MACF1: variants seen among roughly 807,000 people sequenced by gnomAD.
MACF1 encodes microtubule-actin cross-linking factor 1.
MACF1 carries 193 observed loss-of-function variants against 854.8 expected under a neutral mutation model. The ratio of observed to expected loss-of-function variants is 0.23; its 90% CI spans 0.20 to 0.25. The LOEUF (loss-of-function observed/expected upper bound fraction) is 0.25, where lower values mean the gene tolerates loss of function less well. Ranked by LOEUF, MACF1 falls within the 10% of genes least tolerant of loss-of-function variation. The probability of loss-of-function intolerance (pLI) is 1.00; values close to 1 mark genes in which losing one functional copy is unlikely to be tolerated. For missense variants in MACF1, 7,722 were observed against 8,929.1 expected (o/e 0.86, Z 5.45); for synonymous variants, 3,185 against 3,226.7 (o/e 0.99, Z 0.44).
In MACF1 at chr1:39,331,610, G is replaced by C. The variant is rs1235892411; in HGVS notation, c.5022G>C (p.Glu1674Asp). The change falls in exon 37 of 101, where the codon GAG (glutamate) becomes GAC (aspartate). Residue 1674 changes from glutamate (E) to aspartate (D), a missense_variant. Glu to Asp is a conservative substitution (Grantham distance 45). Transcript: ENST00000564288. ...SPSENCINLE[E>D]AFHQGLISAW... ...GTGAGAACTGTATTAACCTGGAAGAGGCTTTTCATCAAGGCCTCATTTCTG... is the reference window on the plus strand; with the variant it reads ...GTGAGAACTGTATTAACCTGGAAGACGCTTTTCATCAAGGCCTCATTTCTG... The C allele has an allele frequency of 2.5e-6, 4 of 1,614,164 alleles. No individual in the cohort carries two copies. Among genetic ancestry groups the C allele is most frequent in the Non-Finnish European group, 3.4e-6 (4 of 1,180,032 alleles).
intron 2 of MACF1, among the ~76,000 whole-genome samples, chr1:39,112,408 T>A (rs1436309876): frequency 6.6e-6 from 1 of 152,154 alleles, no homozygotes; most frequent in Non-Finnish European, 1.5e-5. Context: ...AAAAGATTTT[T>A]ATTAAAGAAG....
chr1:39,258,703 C>A (rs1645123913), intron 6 of MACF1, among the ~76,000 whole-genome samples: 1 of 152,212 alleles, frequency 6.6e-6, no homozygotes, highest in Non-Finnish European at 1.5e-5. Context: ...ATTTCTCAGA[C>A]AGCTCTCTCT....
At chr1:39,194,331 C>CTTTTTTTTTTTTTTT in intron 2 of MACF1, among the ~76,000 whole-genome samples, 1 of 63,212 alleles carries the variant, frequency 1.6e-5, no homozygotes, top group Non-Finnish European at 3.1e-5. Context: ...CTTTTCTTTT[C>CTTTTTTTTTTTTTTT]TTTTCTTTTC....
At chr1:39,246,770 A>G (rs1182175055) in intron 2 of MACF1, among the ~76,000 whole-genome samples, 1 of 152,090 alleles carries the variant, frequency 6.6e-6, no homozygotes, top group East Asian at 1.9e-4. Context: ...TCAGGCTCCC[A>G]AAGTGCTGAG....
chr1:39,270,667 C>T (rs1234131501), intron 6 of MACF1, among the ~76,000 whole-genome samples: 1 of 152,114 alleles, frequency 6.6e-6, no homozygotes, highest in African/African-American at 2.4e-5. Context: ...TTGGCCTCTG[C>T]AGCAGAAGAA....
chr1:39,163,697 C>T (rs1001693480), intron 2 of MACF1, among the ~76,000 whole-genome samples: 3 of 152,128 alleles, frequency 2.0e-5, no homozygotes, highest in African/African-American at 7.2e-5. Context: ...CTTAGTCTGC[C>T]TTCTGAGAAG....
At chr1:39,358,928 A>G in intron 46 of MACF1, 55 bp downstream of exon 46, 1 of 1,540,350 alleles carries the variant, frequency 6.5e-7, no homozygotes, top group South Asian at 1.3e-5. Flanking sequence ...TCCATGGCGT[A>G]AAGTACCCCA....
intron 99 of MACF1, among the ~76,000 whole-genome samples, chr1:39,482,878 C>G (rs769197590): frequency 6.7e-6 from 1 of 150,238 alleles, no homozygotes; most frequent in African/African-American, 2.4e-5. Flanking sequence ...CTTTGTGAGG[C>G]CGAGGTGGGC....
At position 39,393,877 on chromosome 1, in the gene MACF1, G is replaced by A. The variant is rs1569866140; in HGVS notation, c.15816+5219G>A. Reference sequence around the variant, plus strand: ...AGAGAGAGAGAGAGAAAGAAAGAGAGAAAGAAAAGAAAGGAAGGAAGGAAA... The same window carrying A: ...AGAGAGAGAGAGAGAAAGAAAGAGAAAAAGAAAAGAAAGGAAGGAAGGAAA... On this transcript the variant is annotated intron_variant, in intron 58 of 100. Transcript: ENST00000564288. Among the ~76,000 whole-genome samples the A allele has an allele frequency of 2.8e-5, 4 of 143,298 alleles. 1 individual carries two copies. The highest frequency in any genetic ancestry group is 2.7e-4 in the Admixed American group (4 of 14,810). 94.0% of individuals were successfully genotyped at this position (143,298 alleles called of 152,430 possible).
At chr1:39,259,906 C>T (rs1315395271) in intron 6 of MACF1, among the ~76,000 whole-genome samples, 1 of 152,206 alleles carries the variant, frequency 6.6e-6, no homozygotes, top group Non-Finnish European at 1.5e-5. Flanking sequence ...CGTGAGCCAC[C>T]GTGCCCGGCC....
chr1:39,440,592 A>G (rs907597001), intron 72 of MACF1, among the ~76,000 whole-genome samples: 3 of 131,544 alleles, frequency 2.3e-5, no homozygotes, highest in African/African-American at 9.5e-5. Flanking sequence ...GATCTGGCAC[A>G]GAGTTTTTTT....
chr1:39,124,124 G>A (rs1377296974), intron 2 of MACF1, among the ~76,000 whole-genome samples: 1 of 150,208 alleles, frequency 6.7e-6, no homozygotes, highest in African/African-American at 2.5e-5. Flanking sequence ...GAGCTCAAGT[G>A]ATCCGCCCAC....
At chr1:39,198,033 GCAAAAAACA>G (rs1336087781) in intron 2 of MACF1, among the ~76,000 whole-genome samples, 1 of 151,254 alleles carries the variant, frequency 6.6e-6, no homozygotes, top group Non-Finnish European at 1.5e-5. Flanking sequence ...CCCCATCTCT[GCAAAAAACA>G]CAAAAATTAG....
intron 2 of MACF1, among the ~76,000 whole-genome samples, chr1:39,137,929 C>G (rs1209042826): frequency 6.6e-6 from 1 of 151,808 alleles, no homozygotes; most frequent in Non-Finnish European, 1.5e-5. Context: ...CAGAAATTAG[C>G]CGGGCATGGT....
intron 2 of MACF1, among the ~76,000 whole-genome samples, chr1:39,236,930 C>T (rs1215975712): frequency 6.6e-6 from 1 of 152,228 alleles, no homozygotes; most frequent in African/African-American, 2.4e-5. Flanking sequence ...GATGAGATTA[C>T]AGGCATGAGC....
intron 2 of MACF1, among the ~76,000 whole-genome samples, chr1:39,171,503 A>T (rs951747681): frequency 6.6e-6 from 1 of 152,062 alleles, no homozygotes; most frequent in Non-Finnish European, 1.5e-5. Context: ...CTCATTCTGG[A>T]TATTTTATAT....
chr1:39,096,775 T>C (rs894921148), intron 2 of MACF1, among the ~76,000 whole-genome samples: 3 of 151,900 alleles, frequency 2.0e-5, no homozygotes, highest in African/African-American at 7.3e-5. Flanking sequence ...CTACCTTTCC[T>C]CTAGTAGTAA....
At chr1:39,280,524 A>G (rs1434074880) in intron 6 of MACF1, among the ~76,000 whole-genome samples, 1 of 152,194 alleles carries the variant, frequency 6.6e-6, no homozygotes, top group Non-Finnish European at 1.5e-5. Flanking sequence ...TAGGGGAGAT[A>G]AGATTAAATA....
chr1:39,093,827 GC>G (rs1439977798), intron 2 of MACF1, among the ~76,000 whole-genome samples: 1 of 148,562 alleles, frequency 6.7e-6, no homozygotes, highest in Non-Finnish European at 1.5e-5. Context: ...TTGCGCTTTT[GC>G]CTAGGCTGGA....
Sources: allele counts gnomAD v4.1 joint callset (sites outside exome capture counted in the v4.1 genomes callset), GRCh38; gene constraint gnomAD v4.1.1; transcripts MANE v1.5; gene names NCBI Gene and HGNC (gene_info 2026-07-23, HGNC 2026-07-21).